DCC: variants seen among roughly 807,000 people sequenced by gnomAD.
DCC encodes netrin receptor DCC.
Under a neutral mutation model 172.5 loss-of-function variants are expected in DCC, and 58 were observed. The observed-to-expected ratio is 0.34, with a 90% CI of 0.27 to 0.42. The LOEUF is 0.42. Among genes scored for constraint, DCC ranks in the 10% least tolerant of loss-of-function variants. DCC has a pLI of 1.00. For missense variants in DCC, 1,740 were observed against 1,791.0 expected, an observed-to-expected ratio of 0.97 and a Z score of 0.51; for synonymous variants, 709 against 644.5, an observed-to-expected ratio of 1.10 and a Z score of -1.52.
At chr18:53,475,450 G>A (rs759343028) in intron 25 of DCC, among the ~76,000 whole-genome samples, 2 of 152,208 alleles carry the variant, frequency 1.3e-5, no homozygotes, top group Non-Finnish European at 2.9e-5. Flanking sequence ...TGCAGCCTAT[G>A]GACTTGGTGC....
chr18:52,753,136 A>G (rs369233713), intron 2 of DCC, among the ~76,000 whole-genome samples: 127 of 152,164 alleles, frequency 8.3e-4, no homozygotes, highest in African/African-American at 3.0e-3. Context: ...TTGGATATAT[A>G]CCCATAAGTA....
At chr18:53,463,704 C>G (rs2045586091) in intron 24 of DCC, among the ~76,000 whole-genome samples, 1 of 152,094 alleles carries the variant, frequency 6.6e-6, no homozygotes, top group East Asian at 1.9e-4. Flanking sequence ...GATTTCAGAG[C>G]TAGTATCACA....
chr18:52,565,936 G>A (rs2033150303), intron 1 of DCC, among the ~76,000 whole-genome samples: 1 of 152,080 alleles, frequency 6.6e-6, no homozygotes, highest in South Asian at 2.1e-4. Flanking sequence ...CAATGGTATT[G>A]CCTAGGTTTT....
chr18:52,574,560 A>T lies in DCC; in HGVS notation c.92-177494A>T, dbSNP rs946755930. Among the ~76,000 whole-genome samples the T allele has an allele frequency of 3.3e-4, 51 of 152,344 alleles. 1 individual carries two copies. Among genetic ancestry groups the T allele is most frequent in the Middle Eastern group, 3.4e-3 (1 of 294 alleles). ...AACTCCAGAATTTCGGAAGTGAATT[A>T]TAAAGCCAGACTGATTTAAGTGTAA... is the stretch of plus-strand genomic sequence containing the variant. On this transcript the variant is annotated intron_variant, in intron 1 of 28. Transcript: ENST00000442544.
intron 1 of DCC, among the ~76,000 whole-genome samples, chr18:52,748,564 G>A (rs998960488): frequency 6.6e-6 from 1 of 152,192 alleles, no homozygotes; most frequent in Admixed American, 6.5e-5. Flanking sequence ...ACAGCTCTTG[G>A]GCTGGCCCGG....
At chr18:53,114,204 A>T (rs2043377203) in intron 7 of DCC, among the ~76,000 whole-genome samples, 1 of 151,508 alleles carries the variant, frequency 6.6e-6, no homozygotes, top group Admixed American at 6.6e-5. Context: ...TTTGTATTGA[A>T]TCCTGGCAGT....
chr18:52,921,752 C>T (rs904367030), intron 3 of DCC, among the ~76,000 whole-genome samples: 1 of 150,622 alleles, frequency 6.6e-6, no homozygotes. Context: ...GAAAAAGTGT[C>T]CCTTCCATGG....
At chr18:53,430,493 C>A (rs550608480) in intron 21 of DCC, among the ~76,000 whole-genome samples, 1 of 152,028 alleles carries the variant, frequency 6.6e-6, no homozygotes, top group African/African-American at 2.4e-5. Flanking sequence ...GACTGAAATC[C>A]CAATTGAATT....
chr18:52,748,979 C>A (rs886716946), intron 1 of DCC, among the ~76,000 whole-genome samples: 1 of 152,142 alleles, frequency 6.6e-6, no homozygotes, highest in Non-Finnish European at 1.5e-5. Context: ...GGTGGAACAA[C>A]TGAGGTCAGG....
intron 2 of DCC, among the ~76,000 whole-genome samples, chr18:52,860,937 C>T (rs1355402635): frequency 6.9e-6 from 1 of 145,354 alleles, no homozygotes; most frequent in Non-Finnish European, 1.5e-5. Flanking sequence ...AACCTGCGGG[C>T]GGAGGTTGCA....
chr18:52,507,149 T>C (rs985964048), intron 1 of DCC, among the ~76,000 whole-genome samples: 2 of 152,186 alleles, frequency 1.3e-5, no homozygotes. Context: ...GAATCTCATA[T>C]CCTCCCCTAT....
At chr18:53,259,601 C>T (rs1048566783) in intron 12 of DCC, among the ~76,000 whole-genome samples, 1 of 152,080 alleles carries the variant, frequency 6.6e-6, no homozygotes, top group Non-Finnish European at 1.5e-5. Context: ...AATGGGCTTC[C>T]CTTTGTGGGT....
chr18:53,476,888 G>T (rs1460878228), intron 25 of DCC, among the ~76,000 whole-genome samples: 1 of 152,128 alleles, frequency 6.6e-6, no homozygotes, highest in Non-Finnish European at 1.5e-5. Flanking sequence ...AAAGACAATA[G>T]AATATGTATA....
intron 21 of DCC, among the ~76,000 whole-genome samples, chr18:53,432,271 A>G (rs1911666640): frequency 6.6e-6 from 1 of 152,168 alleles, no homozygotes; most frequent in Non-Finnish European, 1.5e-5. Context: ...TTAACCATAA[A>G]TAGGCCTGCA....
intron 25 of DCC, among the ~76,000 whole-genome samples, chr18:53,483,958 CATAGATAGATAGATAGATAGATAGATAG>C (rs56285631): frequency 3.5e-5 from 5 of 144,564 alleles, no homozygotes; most frequent in Non-Finnish European, 6.1e-5. Flanking sequence ...CCTATGTTTG[CATAGATAGATAGATAGATAGATAGATAG>C]ATAGATAGAT....
chr18:52,823,857 T>C (rs928139962), intron 2 of DCC, among the ~76,000 whole-genome samples: 4 of 152,106 alleles, frequency 2.6e-5, no homozygotes, highest in African/African-American at 9.7e-5. Flanking sequence ...ATAAAACTTT[T>C]ATGTCCAGGG....
chr18:53,297,650 C>G (rs138248150), intron 12 of DCC, among the ~76,000 whole-genome samples: 15 of 152,244 alleles, frequency 9.9e-5, no homozygotes, highest in Non-Finnish European at 1.6e-4. Context: ...CTTTTGGTGG[C>G]TTGCTGAGGG....
At chr18:52,377,791 C>T (rs1484217481) in intron 1 of DCC, among the ~76,000 whole-genome samples, 1 of 150,422 alleles carries the variant, frequency 6.6e-6, no homozygotes, top group Non-Finnish European at 1.5e-5. Context: ...ACCACAGATT[C>T]TGCCTCCCGG....
At chr18:53,490,182 G>A (rs1456591103) in intron 26 of DCC, among the ~76,000 whole-genome samples, 1 of 152,042 alleles carries the variant, frequency 6.6e-6, no homozygotes, top group African/African-American at 2.4e-5. Flanking sequence ...GATAAAATGA[G>A]GAGTGCAATG....
Sources: gnomAD v4.1 joint callset for allele counts (sites outside exome capture counted in the v4.1 genomes callset) on GRCh38, gnomAD v4.1.1 for gene constraint, MANE v1.5 for transcripts, NCBI Gene and HGNC (gene_info 2026-07-23, HGNC 2026-07-21) for gene names.